ATP2B2: variants seen among roughly 807,000 people sequenced by gnomAD.
ATP2B2 encodes the protein plasma membrane calcium-transporting ATPase 2.
In ATP2B2, 15 loss-of-function variants were observed where a neutral mutation model predicts 120.0. That is an observed-to-expected ratio of 0.12 (90% CI 0.08 to 0.19). The LOEUF (loss-of-function observed/expected upper bound fraction) is 0.19. Among genes scored for constraint, ATP2B2 ranks in the 10% least tolerant of loss-of-function variants. ATP2B2 has a pLI of 1.00. For missense variants in ATP2B2, 1,045 were observed against 1,719.8 expected (o/e 0.61, Z 6.94); for synonymous variants, 694 against 700.3 (o/e 0.99, Z 0.14).
At chr3:10,613,687 G>A (rs1049513248) in intron 2 of ATP2B2, among the ~76,000 whole-genome samples, 3 of 151,948 alleles carry the variant, frequency 2.0e-5, no homozygotes, top group Non-Finnish European at 2.9e-5. Flanking sequence ...GTCCTGGCCC[G>A]GCTGCCATCA....
chr3:10,388,505 C>A (rs2061749836), intron 5 of ATP2B2, 103 bp from the exon 6 acceptor site: 2 of 1,541,666 alleles, frequency 1.3e-6, no homozygotes, highest in Admixed American at 1.7e-5. Flanking sequence ...TCTTTGCCTG[C>A]AGAGGTCATG....
intron 2 of ATP2B2, among the ~76,000 whole-genome samples, chr3:10,427,460 G>A (rs1432959278): frequency 1.3e-5 from 2 of 152,186 alleles, no homozygotes; most frequent in Non-Finnish European, 2.9e-5. Context: ...AATATACGCT[G>A]TTCTAATCAC....
intron 21 of ATP2B2, chr3:10,338,587 G>C: frequency 3.6e-6 from 2 of 554,318 alleles, no homozygotes; most frequent in Non-Finnish European, 6.3e-6. Flanking sequence ...AGGCTGGAGT[G>C]CAATTTGCTT....
At chr3:10,682,201 T>G (rs6442199) in intron 1 of ATP2B2, among the ~76,000 whole-genome samples, 49,832 of 152,094 alleles carry the variant, frequency 0.33, 9,789 homozygotes, top group African/African-American at 0.56. Context: ...AATTTTGCCA[T>G]GGACTTTCCA....
rs1034424551 is a variant in ATP2B2, at chr3:10,495,336, G to A, written c.-320+10129C>T. Among the ~76,000 whole-genome samples, 8 of 152,172 alleles carry A rather than the reference G, an allele frequency of 5.3e-5. 1 individual carries two copies. Among genetic ancestry groups the A allele is most frequent in the African/African-American group, 1.9e-4 (8 of 41,436 alleles). On this transcript the variant is annotated intron_variant, in intron 1 of 22. Coordinates refer to ENST00000360273, the MANE Select transcript of ATP2B2 (RefSeq NM_001001331.4). ...CTTGGTCAATTCCTCTCCGGCCTCAGTCTCCTCTTAGGTCCAATGCAAAGG... is the reference window on the plus strand; with the variant it reads ...CTTGGTCAATTCCTCTCCGGCCTCAATCTCCTCTTAGGTCCAATGCAAAGG...
At chr3:10,444,755 C>T (rs773037871) in intron 2 of ATP2B2, among the ~76,000 whole-genome samples, 7 of 152,228 alleles carry the variant, frequency 4.6e-5, no homozygotes, top group Non-Finnish European at 8.8e-5. Flanking sequence ...CTCAGGGCAG[C>T]GCAACGCTGG....
intron 1 of ATP2B2, among the ~76,000 whole-genome samples, chr3:10,498,868 G>A (rs918072180): frequency 1.3e-5 from 2 of 152,166 alleles, no homozygotes; most frequent in Non-Finnish European, 2.9e-5. Flanking sequence ...GGACTAGGAT[G>A]TGCCCCTTCT....
At chr3:10,610,742 C>T (rs745462032) in intron 2 of ATP2B2, among the ~76,000 whole-genome samples, 1 of 152,176 alleles carries the variant, frequency 6.6e-6, no homozygotes, top group Non-Finnish European at 1.5e-5. Context: ...TATCTCTCTC[C>T]TCTGCTTTCA....
chr3:10,531,802 A>T (rs1349239525), intron 3 of ATP2B2, among the ~76,000 whole-genome samples: 2 of 151,834 alleles, frequency 1.3e-5, no homozygotes, highest in African/African-American at 4.8e-5. Flanking sequence ...GTACTTAGGG[A>T]CTCCTAGGCA....
intron 10 of ATP2B2, among the ~76,000 whole-genome samples, chr3:10,376,423 C>A (rs2061382302): frequency 6.6e-6 from 1 of 152,140 alleles, no homozygotes; most frequent in Non-Finnish European, 1.5e-5. Context: ...GAGGAAACAG[C>A]AGGTGGCTTT....
intron 2 of ATP2B2, among the ~76,000 whole-genome samples, chr3:10,442,867 A>C (rs2063715833): frequency 6.6e-6 from 1 of 152,226 alleles, no homozygotes; most frequent in Admixed American, 6.5e-5. Context: ...ATATTACTTT[A>C]ATGCTTACAG....
At chr3:10,487,180 C>T (rs1445897755) in intron 1 of ATP2B2, among the ~76,000 whole-genome samples, 4 of 152,156 alleles carry the variant, frequency 2.6e-5, no homozygotes, top group African/African-American at 9.7e-5. Flanking sequence ...CTGAAACATG[C>T]TGGTCCCTTC....
At chr3:10,377,756 G>C (rs1213198261) in intron 10 of ATP2B2, among the ~76,000 whole-genome samples, 1 of 152,224 alleles carries the variant, frequency 6.6e-6, no homozygotes, top group Non-Finnish European at 1.5e-5. Context: ...GTCTTCCTCT[G>C]CTCAAGTCTC....
intron 9 of ATP2B2, among the ~76,000 whole-genome samples, chr3:10,378,843 G>T (rs187296612): frequency 2.0e-5 from 3 of 152,184 alleles, no homozygotes; most frequent in East Asian, 1.9e-4. Flanking sequence ...GGCTTAGAAC[G>T]TAAAAGAGGG....
At position 10,489,903 on chromosome 3, in the gene ATP2B2, G is replaced by T. The variant is rs573604334; in HGVS notation, c.-320+15562C>A. Among the ~76,000 whole-genome samples the T allele has an allele frequency of 3.9e-5, 6 of 152,326 alleles. No individual in the cohort carries two copies. The South Asian group carries it at 1.2e-3, about 32-fold the overall frequency. Reference sequence around the variant, plus strand: ...TAGCCTGCAGCCCTGGGCTTAGCCGGGCCACCTCTCCTGCCAAGCGCTGGC... The same window carrying T: ...TAGCCTGCAGCCCTGGGCTTAGCCGTGCCACCTCTCCTGCCAAGCGCTGGC... On this transcript the variant is annotated intron_variant, in intron 1 of 22. Transcript: ENST00000360273.
intron 1 of ATP2B2, among the ~76,000 whole-genome samples, chr3:10,662,302 G>A (rs1295671522): frequency 6.6e-6 from 1 of 151,750 alleles, no homozygotes; most frequent in Non-Finnish European, 1.5e-5. Context: ...GAGTGAACAG[G>A]GAACCTACAG....
At chr3:10,610,531 A>G (rs1219543882) in intron 2 of ATP2B2, among the ~76,000 whole-genome samples, 1 of 152,184 alleles carries the variant, frequency 6.6e-6, no homozygotes, top group Non-Finnish European at 1.5e-5. Context: ...TATTCACTGC[A>G]TGAGGTGAAT....
intron 5 of ATP2B2, among the ~76,000 whole-genome samples, chr3:10,393,637 G>C (rs550962337): frequency 6.6e-5 from 10 of 152,190 alleles, no homozygotes; most frequent in African/African-American, 2.2e-4. Flanking sequence ...GGAGAGAAAG[G>C]GGGGCCAGAG....
intron 22 of ATP2B2, chr3:10,336,034 C>A: frequency 7.1e-7 from 1 of 1,409,744 alleles, no homozygotes; most frequent in Non-Finnish European, 9.6e-7. Flanking sequence ...TGATTGTGAC[C>A]GGCTGCCCCC....
Sources: gnomAD v4.1 joint callset for allele counts (sites outside exome capture counted in the v4.1 genomes callset) on GRCh38, gnomAD v4.1.1 for gene constraint, MANE v1.5 for transcripts, NCBI Gene and HGNC (gene_info 2026-07-23, HGNC 2026-07-21) for gene names.